The following ZNF44 variants were observed in gnomAD, a reference collection of about 807,000 sequenced individuals.
ZNF44 encodes zinc finger protein 44, also known as gonadotropin inducible transcription repressor-2.
ZNF44 carries 9 observed loss-of-function variants against 11.7 expected under a neutral mutation model. That is an observed-to-expected ratio of 0.77 (90% CI 0.46 to 1.35). ZNF44 has a LOEUF of 1.35. Ranked by LOEUF, ZNF44 falls within the 40% of genes most tolerant of loss-of-function variation. The probability of loss-of-function intolerance (pLI) is 0.00; values close to 1 mark genes in which losing one functional copy is unlikely to be tolerated. For missense variants in ZNF44, 696 were observed against 743.1 expected (o/e 0.94, Z 0.74); for synonymous variants, 224 against 242.7 (o/e 0.92, Z 0.72).
Position 12,275,947 on chromosome 19 carries a change from C to T in ZNF44, c.130+9G>A. The T allele has an allele frequency of 1.3e-6, 2 of 1,593,794 alleles. No individual in the cohort carries two copies. The highest frequency in any genetic ancestry group is 1.7e-6 in the Non-Finnish European group (2 of 1,167,676). On this transcript the variant is annotated intron_variant, in intron 2 of 3. Coordinates refer to ENST00000355684, the MANE Select transcript of ZNF44 (RefSeq NM_016264.4). ...AATTGACCAAATGAAGACATGATGT[C>T]ATCCATACCTATACAGTTCAGGTTC...
upstream of ZNF44, among the ~76,000 whole-genome samples, chr19:12,241,239 A>G (rs2459004): frequency 0.061 from 9,342 of 152,316 alleles, 970 homozygotes; most frequent in African/African-American, 0.22. Context: ...TAAAACAAAA[A>G]GTAGAATATA....
intron 1 of ZNF44, among the ~76,000 whole-genome samples, chr19:12,292,833 A>G (rs1158916175): frequency 4.0e-5 from 6 of 150,400 alleles, no homozygotes. Context: ...GGGGAAAAAA[A>G]TGTCAATGTC....
intron 3 of ZNF44, among the ~76,000 whole-genome samples, chr19:12,229,999 T>C (rs1416218766): frequency 2.0e-5 from 3 of 152,140 alleles, no homozygotes; most frequent in Non-Finnish European, 2.9e-5. Context: ...GCAGAAAGCC[T>C]GAATATAGAG....
chr19:12,248,679 C>T, intron 7 of ZNF44: 1 of 1,261,362 alleles, frequency 7.9e-7, no homozygotes, highest in Non-Finnish European at 1.0e-6. Context: ...CATATGATTT[C>T]TGTAAAAAAT....
At chr19:12,262,274 CTTTTTT>C (rs1260888645) in intron 5 of ZNF44, among the ~76,000 whole-genome samples, 1 of 151,796 alleles carries the variant, frequency 6.6e-6, no homozygotes, top group Non-Finnish European at 1.5e-5. Flanking sequence ...TTTTCTTTTT[CTTTTTT>C]CTCTTTTTTT....
downstream of ZNF44, among the ~76,000 whole-genome samples, chr19:12,269,569 C>A (rs1225197299): frequency 6.6e-6 from 1 of 152,066 alleles, no homozygotes; most frequent in African/African-American, 2.4e-5. Flanking sequence ...CACTATGTTC[C>A]CCAGGCTGGT....
intron 1 of ZNF44, among the ~76,000 whole-genome samples, chr19:12,292,261 G>C (rs954670608): frequency 2.0e-5 from 3 of 151,978 alleles, no homozygotes; most frequent in Non-Finnish European, 4.4e-5. Context: ...AGTGAGCCAT[G>C]ATGGTGCCAC....
At chr19:12,268,182 A>ACACACACACACACACACAC (rs1555739617), downstream of ZNF44, among the ~76,000 whole-genome samples, 2 of 99,474 alleles carry the variant, frequency 2.0e-5, no homozygotes, top group African/African-American at 7.4e-5. Flanking sequence ...ACACACACAC[A>ACACACACACACACACACAC]AGCTCCTTCC....
At chr19:12,265,115 A>G (rs1462646909) in intron 5 of ZNF44, among the ~76,000 whole-genome samples, 1 of 152,162 alleles carries the variant, frequency 6.6e-6, no homozygotes, top group African/African-American at 2.4e-5. Context: ...CTTAGAAGAA[A>G]AAGGGGTTAA....
At chr19:12,244,525 C>T (rs1916715702), downstream of ZNF44, 1 of 152,548 alleles carries the variant, frequency 6.6e-6, no homozygotes, top group Admixed American at 6.6e-5. Context: ...ATGAGAAAAG[C>T]AAAAGCTGTT....
rs531688260 is a variant in ZNF44 at position 12,230,949 on chromosome 19, G to A, written n.381-434C>T. 3.3e-5 allele frequency among the ~76,000 whole-genome samples: 5 copies of A among 152,204 alleles called. No individual in the cohort carries two copies. In the South Asian group the frequency reaches 1.0e-3, roughly 32 times the overall value. ...AGGTGGATTATCTTGGGGCTAGCATGTCTCTGGTCTGGGAGGAGTTGGAAT... is the reference window on the plus strand; with the variant it reads ...AGGTGGATTATCTTGGGGCTAGCATATCTCTGGTCTGGGAGGAGTTGGAAT... On this transcript the variant is annotated intron_variant and non_coding_transcript_variant, in intron 2 of 3. Transcript: ENST00000597563.
downstream of ZNF44, among the ~76,000 whole-genome samples, chr19:12,270,807 A>T (rs1195052841): frequency 6.6e-6 from 1 of 152,086 alleles, no homozygotes; most frequent in Middle Eastern, 3.2e-3. Context: ...TGACTGTACC[A>T]CAGTGTACTT....
At chr19:12,254,859 A>C (rs1382128861) in intron 5 of ZNF44, among the ~76,000 whole-genome samples, 2 of 152,138 alleles carry the variant, frequency 1.3e-5, no homozygotes, top group East Asian at 3.9e-4. Context: ...GCTGAGGTGG[A>C]TGGATCACTT....
At chr19:12,226,012 G>T (rs1394725182), downstream of ZNF44, 1 of 151,954 alleles carries the variant, frequency 6.6e-6, no homozygotes, top group Non-Finnish European at 1.5e-5. Flanking sequence ...AAAACATTAG[G>T]CAACACCAGG....
chr19:12,231,783 G>T (rs1224526689), intron 2 of ZNF44, among the ~76,000 whole-genome samples: 3 of 152,172 alleles, frequency 2.0e-5, no homozygotes, highest in Non-Finnish European at 4.4e-5. Flanking sequence ...AACATATTTG[G>T]ATTTACAGGG....
intron 5 of ZNF44, among the ~76,000 whole-genome samples, chr19:12,257,507 G>A (rs1917307782): frequency 6.6e-6 from 1 of 151,632 alleles, no homozygotes; most frequent in Admixed American, 6.6e-5. Context: ...ACAAAAATTG[G>A]CCAGGCGTGG....
At chr19:12,231,112 C>A (rs1755586896) in intron 2 of ZNF44, among the ~76,000 whole-genome samples, 2 of 151,762 alleles carry the variant, frequency 1.3e-5, no homozygotes, top group Non-Finnish European at 2.9e-5. Flanking sequence ...GATGCTTCTA[C>A]TCGGTCACCC....
At chr19:12,241,556 A>G (rs2459002), upstream of ZNF44, among the ~76,000 whole-genome samples, 62,382 of 152,062 alleles carry the variant, frequency 0.41, 17,024 homozygotes, top group African/African-American at 0.79. Context: ...TTAGCTGGGC[A>G]TAGTGGCAGA....
chr19:12,287,847 A>T (rs1261808895), intron 1 of ZNF44, among the ~76,000 whole-genome samples: 1 of 152,196 alleles, frequency 6.6e-6, no homozygotes, highest in Non-Finnish European at 1.5e-5. Flanking sequence ...GCTTTTCAGC[A>T]TTATATGGAT....
Sources: allele counts gnomAD v4.1 joint callset (sites outside exome capture counted in the v4.1 genomes callset), GRCh38; gene constraint gnomAD v4.1.1; transcripts MANE v1.5; gene names NCBI Gene and HGNC (gene_info 2026-07-23, HGNC 2026-07-21).